Variants in ULK4 observed in about 807,000 individuals in gnomAD.
ULK4 encodes unc-51 like kinase 4, also known as inactive serine/threonine-protein kinase ULK4.
In ULK4, 133 loss-of-function variants were observed where a neutral mutation model predicts 160.6. The observed-to-expected ratio is 0.83, with a 90% CI of 0.72 to 0.96. The LOEUF (loss-of-function observed/expected upper bound fraction) is 0.96, where lower values mean the gene tolerates loss of function less well. Ranked by LOEUF, ULK4 falls within the 40% of genes least tolerant of loss-of-function variation. The pLI, the probability that ULK4 is intolerant of heterozygous loss-of-function variation, is 0.00. For synonymous variants in ULK4, 534 were observed against 539.8 expected (o/e 0.99, Z 0.15); for missense variants, 1,580 against 1,499.5 (o/e 1.05, Z -0.89).
chr3:41,386,971 C>A (rs2081828187), intron 35 of ULK4, among the ~76,000 whole-genome samples: 1 of 152,148 alleles, frequency 6.6e-6, no homozygotes, highest in Admixed American at 6.6e-5. Flanking sequence ...CTGAGAAGGA[C>A]TGGCTATAAA....
chr3:41,579,490 T>A (rs902204999), intron 31 of ULK4, among the ~76,000 whole-genome samples: 3 of 36,626 alleles, frequency 8.2e-5, no homozygotes, highest in African/African-American at 6.6e-4. Context: ...CTAATATTTT[T>A]TTTTTTTTTT....
At chr3:41,662,493 T>C (rs973770882) in intron 30 of ULK4, among the ~76,000 whole-genome samples, 1 of 152,194 alleles carries the variant, frequency 6.6e-6, no homozygotes, top group Non-Finnish European at 1.5e-5. Flanking sequence ...ATGAGTGTTT[T>C]GGATATGAGT....
At chr3:41,607,167 G>T (rs907593233) in intron 31 of ULK4, among the ~76,000 whole-genome samples, 2 of 151,962 alleles carry the variant, frequency 1.3e-5, no homozygotes, top group African/African-American at 4.8e-5. Context: ...CATAGTGATG[G>T]ATTAAATCAA....
At chr3:41,441,049 G>A (rs940313798) in intron 34 of ULK4, among the ~76,000 whole-genome samples, 93 of 151,900 alleles carry the variant, frequency 6.1e-4, no homozygotes, top group African/African-American at 2.1e-3. Flanking sequence ...GATTAGTATG[G>A]CAATGGGTTT....
intron 34 of ULK4, among the ~76,000 whole-genome samples, chr3:41,413,326 G>A (rs559237514): frequency 2.6e-5 from 4 of 152,226 alleles, no homozygotes; most frequent in East Asian, 1.9e-4. Context: ...CATATCAGGC[G>A]TGAATATAAA....
chr3:41,451,642 G>A (rs964647757), intron 34 of ULK4, among the ~76,000 whole-genome samples: 8 of 152,068 alleles, frequency 5.3e-5, no homozygotes, highest in African/African-American at 1.9e-4. Flanking sequence ...GCAACCTCTG[G>A]CCAGAATCGT....
At chr3:41,502,702 A>G (rs1034385329) in intron 32 of ULK4, among the ~76,000 whole-genome samples, 1 of 152,254 alleles carries the variant, frequency 6.6e-6, no homozygotes, top group Non-Finnish European at 1.5e-5. Context: ...AAATGTTTAC[A>G]TATTGTATGA....
chr3:41,401,569 T>C (rs905898719), intron 34 of ULK4, among the ~76,000 whole-genome samples: 2 of 152,098 alleles, frequency 1.3e-5, no homozygotes, highest in African/African-American at 4.8e-5. Flanking sequence ...ATCTTATGGA[T>C]TCCTCTTTTA....
At position 41,253,303 on chromosome 3, in the gene ULK4, T is replaced by C. The variant is rs1027109717; in HGVS notation, c.3679-3729A>G. On this transcript the variant is annotated intron_variant, in intron 35 of 36. Coordinates refer to ENST00000301831, the MANE Select transcript of ULK4 (RefSeq NM_017886.4). ...AATAGTAGAAAAGAAAAAATACATA[T>C]AATATTGTATTGATGGGGTTTTCAA... Among the ~76,000 whole-genome samples the C allele has an allele frequency of 3.3e-5, 5 of 152,140 alleles. No homozygotes were observed. The South Asian group carries it at 8.3e-4, about 25-fold the overall frequency.
chr3:41,369,930 C>T (rs2081329600), intron 35 of ULK4, among the ~76,000 whole-genome samples: 1 of 152,032 alleles, frequency 6.6e-6, no homozygotes, highest in South Asian at 2.1e-4. Flanking sequence ...TTTTGCCACC[C>T]ACTCATAGAG....
chr3:41,366,031 A>G (rs1285254925), intron 35 of ULK4, among the ~76,000 whole-genome samples: 1 of 152,192 alleles, frequency 6.6e-6, no homozygotes, highest in Non-Finnish European at 1.5e-5. Flanking sequence ...TGCACAGGTT[A>G]AATCCTCCAA....
At chr3:41,566,381 G>A (rs1459773433) in intron 31 of ULK4, among the ~76,000 whole-genome samples, 2 of 152,190 alleles carry the variant, frequency 1.3e-5, no homozygotes, top group Non-Finnish European at 2.9e-5. Context: ...TGAGCTGAGA[G>A]ATAACACATG....
chr3:41,888,727 A>C (rs1717000), intron 16 of ULK4, among the ~76,000 whole-genome samples: 103,780 of 151,992 alleles, frequency 0.68, 39,083 homozygotes, highest in East Asian at 0.83. Flanking sequence ...ATAGGTGTGG[A>C]TGTGGGAAGC....
chr3:41,687,579 T>C (rs1010286576), intron 27 of ULK4, among the ~76,000 whole-genome samples: 3 of 152,238 alleles, frequency 2.0e-5, no homozygotes, highest in African/African-American at 7.2e-5. Flanking sequence ...CAGTGTCCAA[T>C]GTCAAGAAAA....
chr3:41,367,102 T>G (rs972330510), intron 35 of ULK4, among the ~76,000 whole-genome samples: 28 of 152,344 alleles, frequency 1.8e-4, no homozygotes, highest in African/African-American at 6.3e-4. Flanking sequence ...TTATCTTTGT[T>G]TTTTCCATGA....
intron 35 of ULK4, among the ~76,000 whole-genome samples, chr3:41,371,874 T>C (rs1467026921): frequency 6.6e-6 from 1 of 151,858 alleles, no homozygotes; most frequent in African/African-American, 2.4e-5. Context: ...TCTAGCCCAA[T>C]GCAAGGAAGC....
intron 27 of ULK4, among the ~76,000 whole-genome samples, chr3:41,693,263 T>C (rs2036372252): frequency 6.6e-6 from 1 of 152,236 alleles, no homozygotes; most frequent in Admixed American, 6.5e-5. Flanking sequence ...TAAGGGATTC[T>C]GGCAGTATCT....
At chr3:41,605,403 G>A (rs1209216363) in intron 31 of ULK4, among the ~76,000 whole-genome samples, 4 of 151,768 alleles carry the variant, frequency 2.6e-5, no homozygotes, top group Non-Finnish European at 5.9e-5. Context: ...TAAGAGTTAA[G>A]GAATGGAAAA....
At chr3:41,691,943 C>CTTTTTTT (rs751734628) in intron 27 of ULK4, among the ~76,000 whole-genome samples, 4 of 96,352 alleles carry the variant, frequency 4.2e-5, no homozygotes, top group African/African-American at 1.1e-4. Context: ...CAAATCACTT[C>CTTTTTTT]TTTTTTTTTT....
Sources: gnomAD v4.1 joint callset for allele counts (sites outside exome capture counted in the v4.1 genomes callset) on GRCh38, gnomAD v4.1.1 for gene constraint, MANE v1.5 for transcripts, NCBI Gene and HGNC (gene_info 2026-07-23, HGNC 2026-07-21) for gene names.